The following DYSF variants were observed in gnomAD, a reference collection of about 807,000 sequenced individuals.
DYSF encodes the protein dystrophy-associated fer-1-like 1.
In DYSF, 212 loss-of-function variants were observed where a neutral mutation model predicts 274.9. The observed-to-expected ratio is 0.77, with a 90% confidence interval of 0.69 to 0.86. The LOEUF (loss-of-function observed/expected upper bound fraction) is 0.86. Ranked by LOEUF, DYSF falls within the 40% of genes least tolerant of loss-of-function variation. The pLI, the probability that DYSF is intolerant of heterozygous loss-of-function variation, is 0.00. For missense variants in DYSF, 2,666 were observed against 2,783.2 expected (o/e 0.96, Z 0.95); for synonymous variants, 1,091 against 1,078.7 (o/e 1.01, Z -0.22).
At chr2:71,565,059 G>A (rs886623556) in intron 24 of DYSF, among the ~76,000 whole-genome samples, 1 of 151,878 alleles carries the variant, frequency 6.6e-6, no homozygotes, top group Non-Finnish European at 1.5e-5. Context: ...GGGAGGAGTG[G>A]CCCTGAGAAG....
rs114677358 is a variant in DYSF, at chr2:71,586,416, G to T, written c.3403-3177G>T. On this transcript the variant is annotated intron_variant, in intron 30 of 55. Coordinates refer to ENST00000410020, the MANE Select transcript of DYSF (RefSeq NM_001130987.2). ...GGGTGAGGGTGGGCAGCAGGCCCCT[G>T]GACCAGGTGTGGTGTGGCTGGGCCC... Among the ~76,000 whole-genome samples the T allele has an allele frequency of 3.4e-3, 515 of 152,216 alleles. 4 individuals carry two copies. Among genetic ancestry groups the T allele is most frequent in the African/African-American group, 0.012 (489 of 41,534 alleles).
intron 40 of DYSF, among the ~76,000 whole-genome samples, chr2:71,616,282 C>T (rs140132910): frequency 1.7e-3 from 256 of 152,204 alleles, no homozygotes; most frequent in African/African-American, 5.9e-3. Flanking sequence ...GTGTCTGTCT[C>T]TAAGGGTAAG....
Position 71,611,557 on chromosome 2 carries a change from G to A in DYSF, c.4152G>A (p.Val1384=), listed in dbSNP as rs757771727. 6.2e-7 allele frequency: 1 copy of A among 1,613,976 alleles called. No homozygotes were observed. Among genetic ancestry groups the A allele is most frequent in the African/African-American group, 1.3e-5 (1 of 74,980 alleles). Residue 1384 remains valine (V), a synonymous_variant, in exon 38 of 56, where the codon GTG becomes GTA. Transcript: ENST00000410020. ...TGGTAGAGTGTGGGGGCCAGACGGTGCAGTCCTGTGTCATCAGGAACCTCC... is the reference window on the plus strand; with the variant it reads ...TGGTAGAGTGTGGGGGCCAGACGGTACAGTCCTGTGTCATCAGGAACCTCC... ...SLVVECGGQT[V]QSCVIRNLRK... is the part of the protein sequence containing the mutation.
chr2:71,543,589 C>T lies in DYSF; in HGVS notation c.1576+4350C>T, dbSNP rs187107014. Reference sequence around the variant, plus strand: ...TGGGCAACATTGAGCACTGAGTGAACGAGACTCCATCTGCAATCCCAGCAC... The same window carrying T: ...TGGGCAACATTGAGCACTGAGTGAATGAGACTCCATCTGCAATCCCAGCAC... On this transcript the variant is annotated intron_variant, in intron 17 of 55. Coordinates refer to ENST00000410020, the MANE Select transcript of DYSF (RefSeq NM_001130987.2). Among the ~76,000 whole-genome samples the T allele has an allele frequency of 9.7e-3, 1,481 of 152,304 alleles. 24 individuals are homozygous for T. The highest frequency in any genetic ancestry group is 0.034 in the African/African-American group (1,419 of 41,566).
chr2:71,476,287 C>T (rs899025462), intron 1 of DYSF, among the ~76,000 whole-genome samples: 2 of 152,096 alleles, frequency 1.3e-5, no homozygotes, highest in Non-Finnish European at 1.5e-5. Context: ...TGTGGTGGCT[C>T]ACACCTGTAA....
chr2:71,568,521 G>A (rs2092245037), intron 26 of DYSF, among the ~76,000 whole-genome samples, 183 bp downstream of exon 26: 1 of 152,160 alleles, frequency 6.6e-6, no homozygotes, highest in Admixed American at 6.5e-5. Context: ...TTTCCAGAAG[G>A]GCTTGGATGG....
chr2:71,461,894 C>T (rs1030468398), upstream of DYSF, among the ~76,000 whole-genome samples: 2 of 152,206 alleles, frequency 1.3e-5, no homozygotes, highest in African/African-American at 4.8e-5. Flanking sequence ...CATGTTTAAG[C>T]CTTGGGAAAA....
intron 4 of DYSF, among the ~76,000 whole-genome samples, chr2:71,510,211 C>CA (rs1424960332): frequency 6.6e-6 from 1 of 152,224 alleles, no homozygotes; most frequent in African/African-American, 2.4e-5. Context: ...GCCCAACTTA[C>CA]CTTTTGCTGA....
At chr2:71,656,039 TTCTC>T in intron 42 of DYSF, 119 bp from the exon 43 acceptor site, 1 of 1,278,914 alleles carries the variant, frequency 7.8e-7, no homozygotes, top group Non-Finnish European at 1.1e-6. Flanking sequence ...TCTCTCTTCC[TTCTC>T]TCTCTTTATT....
chr2:71,460,967 GA>G (rs1356045115), intron 1 of DYSF, among the ~76,000 whole-genome samples: 3 of 150,080 alleles, frequency 2.0e-5, no homozygotes, highest in Non-Finnish European at 4.4e-5. Flanking sequence ...AAAAGAAAAA[GA>G]AAAAAAGCTT....
chr2:71,551,297 C>T (rs528463703), intron 18 of DYSF, 141 bp downstream of exon 18: 8 of 830,166 alleles, frequency 9.6e-6, no homozygotes, highest in Admixed American at 2.0e-5. Flanking sequence ...TCTCCTTCTG[C>T]CCCTTGACAC....
Position 71,598,606 on chromosome 2 carries a change from C to T in DYSF, c.3617C>T (p.Thr1206Met), listed in dbSNP as rs781339971. The change falls in exon 33 of 56, where the codon ACG becomes ATG. Residue 1206 changes from threonine (T) to methionine (M), a missense_variant. Thr to Met is a moderately conservative substitution (Grantham distance 81). This residue lies in a region of DYSF where 1,460 missense variants were observed against 1,502.1 expected (regional missense o/e 0.97). Transcript: ENST00000410020. ...IVSFLHQSQK[T>M]VVVKNTLNPT... ...TCCTTCCTGCACCAGAGCCAGAAGA[C>T]GGTGGTGGTGAAGAACACCCTTAAC... 12 of 1,614,080 alleles carry T rather than the reference C, an allele frequency of 7.4e-6. No individual in the cohort carries two copies. Among genetic ancestry groups the T allele is most frequent in the East Asian group, 4.5e-5 (2 of 44,894 alleles).
At chr2:71,631,400 T>A (rs1401012299) in intron 41 of DYSF, among the ~76,000 whole-genome samples, 1 of 152,262 alleles carries the variant, frequency 6.6e-6, no homozygotes, top group Non-Finnish European at 1.5e-5. Flanking sequence ...AATTACTGTA[T>A]GTGCTTGAAA....
rs773411622 is a variant in DYSF, at chr2:71,589,649, CG to C, written c.3461del (p.Gly1154ValfsTer2). The C allele has an allele frequency of 6.2e-7, 1 of 1,614,122 alleles. No individual in the cohort carries two copies. The highest frequency in any genetic ancestry group is 2.2e-5 in the East Asian group (1 of 44,862). On this transcript the variant is annotated frameshift_variant, in exon 31 of 56. Transcript: ENST00000410020. LOFTEE classifies it high-confidence loss of function. ...CCATGTCCGTCTCCACCTTGAGCTT[CG>C]GTGTGAACAGACCCACGATTTCCTG... is the stretch of plus-strand genomic sequence containing the variant. ...DSMSVSTLSF[G>X]VNRPTISCIF...
intron 3 of DYSF, among the ~76,000 whole-genome samples, chr2:71,496,457 G>A (rs1301937339): frequency 6.6e-6 from 1 of 152,174 alleles, no homozygotes; most frequent in African/African-American, 2.4e-5. Context: ...AGGAATGGGC[G>A]AGGCAGGGTA....
intron 30 of DYSF, among the ~76,000 whole-genome samples, chr2:71,586,816 G>A (rs1300714076): frequency 2.0e-5 from 3 of 152,010 alleles, no homozygotes; most frequent in Admixed American, 1.3e-4. Flanking sequence ...TGGAGCCGGA[G>A]GCGCCTCCCT....
chr2:71,514,461 G>A (rs1343702632), intron 7 of DYSF, among the ~76,000 whole-genome samples: 1 of 152,128 alleles, frequency 6.6e-6, no homozygotes, highest in Non-Finnish European at 1.5e-5. Context: ...GAGTCATGTG[G>A]AATTTGAATT....
chr2:71,532,858 ATCTATC>A (rs1247555312), intron 14 of DYSF, among the ~76,000 whole-genome samples: 1 of 147,424 alleles, frequency 6.8e-6, no homozygotes, highest in African/African-American at 2.4e-5. Context: ...CTATCTATCT[ATCTATC>A]TATCTATCTA....
chr2:71,518,744 G>T (rs1233693001), intron 10 of DYSF, among the ~76,000 whole-genome samples: 2 of 151,874 alleles, frequency 1.3e-5, no homozygotes, highest in African/African-American at 4.8e-5. Context: ...AAAATAAGGG[G>T]CTTGGTTCTG....
Sources: allele counts gnomAD v4.1 joint callset (sites outside exome capture counted in the v4.1 genomes callset), GRCh38; gene constraint gnomAD v4.1.1; regional missense constraint gnomAD v4.1.1; transcripts MANE v1.5; gene names NCBI Gene and HGNC (gene_info 2026-07-23, HGNC 2026-07-21).